Variants in CFTR observed in about 807,000 individuals in gnomAD.
CFTR encodes cystic fibrosis transmembrane conductance regulator.
In CFTR, 181 loss-of-function variants were observed where a neutral mutation model predicts 171.6. That is an observed-to-expected ratio of 1.05 (90% CI 0.93 to 1.19). The LOEUF (loss-of-function observed/expected upper bound fraction) is 1.19. Ranked by LOEUF, CFTR falls within the 50% of genes most tolerant of loss-of-function variation. The pLI is 0.00. For synonymous variants in CFTR, 583 were observed against 608.0 expected, an observed-to-expected ratio of 0.96 and a Z score of 0.60; for missense variants, 1,968 against 1,734.7, an observed-to-expected ratio of 1.13 and a Z score of -2.39.
At position 117,486,443 on chromosome 7, in the gene CFTR, G is replaced by T. The variant is rs1019053090; in HGVS notation, c.53+6296G>T. Among the ~76,000 whole-genome samples, 240 of 152,258 alleles carry T rather than the reference G, an allele frequency of 1.6e-3. 2 individuals are homozygous for T. The highest frequency in any genetic ancestry group is 5.6e-3 in the African/African-American group (234 of 41,568). ...GGCTTCATTGAAGTACTCAACTGGG[G>T]CACTTAACCCAGTCTAAGGCTGGTC... On this transcript the variant is annotated intron_variant, in intron 1 of 26. Coordinates refer to ENST00000003084, the MANE Select transcript of CFTR (RefSeq NM_000492.4).
At chr7:117,654,759 A>G (rs1377647327) in intron 24 of CFTR, among the ~76,000 whole-genome samples, 1 of 152,184 alleles carries the variant, frequency 6.6e-6, no homozygotes, top group Non-Finnish European at 1.5e-5. Context: ...TAAATTACCC[A>G]GTCTCTTTAC....
chr7:117,489,985 G>T (rs1243848755), intron 1 of CFTR, among the ~76,000 whole-genome samples: 1 of 151,718 alleles, frequency 6.6e-6, no homozygotes, highest in East Asian at 1.9e-4. Flanking sequence ...CTTCCCTTGT[G>T]TCCCCATTCC....
chr7:117,504,665 G>T (rs2116635633), intron 2 of CFTR, among the ~76,000 whole-genome samples: 1 of 151,574 alleles, frequency 6.6e-6, no homozygotes, highest in South Asian at 2.1e-4. Flanking sequence ...GAAGCAGGAG[G>T]GTTACTTGAG....
At chr7:117,556,911 A>G (rs969817316) in intron 10 of CFTR, among the ~76,000 whole-genome samples, 17 of 151,882 alleles carry the variant, frequency 1.1e-4, no homozygotes, top group Non-Finnish European at 2.1e-4. Context: ...GCTTTCCATG[A>G]ATTAGCTTTT....
At position 117,627,670 on chromosome 7, in the gene CFTR, CAG is replaced by C. The variant is rs397508589; in HGVS notation, c.3618_3619del (p.Gly1208ProfsTer56). On this transcript the variant is annotated frameshift_variant, in exon 22 of 27. Coordinates refer to ENST00000003084, the MANE Select transcript of CFTR (RefSeq NM_000492.4). LOFTEE classifies it high-confidence loss of function. ...GTGAAGAAAGATGACATCTGGCCCT[CAG>C]GGGGCCAAATGACTGTCAAAGATCT... The C allele has an allele frequency of 1.2e-6, 2 of 1,613,326 alleles. No homozygotes were observed. Among genetic ancestry groups the C allele is most frequent in the Non-Finnish European group, 1.7e-6 (2 of 1,179,554 alleles).
chr7:117,492,441 A>G (rs921709944), intron 1 of CFTR, among the ~76,000 whole-genome samples: 2 of 151,984 alleles, frequency 1.3e-5, no homozygotes, highest in Non-Finnish European at 2.9e-5. Flanking sequence ...GGCTCCAAAC[A>G]TATCATGTTT....
At chr7:117,556,348 C>G (rs1799354961) in intron 10 of CFTR, among the ~76,000 whole-genome samples, 1 of 151,856 alleles carries the variant, frequency 6.6e-6, no homozygotes, top group Non-Finnish European at 1.5e-5. Flanking sequence ...CAGGCATGAG[C>G]CACTGTGCAC....
At chr7:117,535,158 C>T (rs183911953) in intron 5 of CFTR, 90 bp from the exon 6 acceptor site, 44 of 1,398,428 alleles carry the variant, frequency 3.1e-5, no homozygotes, top group Non-Finnish European at 4.3e-5. Flanking sequence ...ATATAAGCTC[C>T]TTTTACTTGC....
intron 21 of CFTR, among the ~76,000 whole-genome samples, chr7:117,617,474 A>G: frequency 6.6e-6 from 1 of 152,068 alleles, no homozygotes; most frequent in East Asian, 1.9e-4. Context: ...GAAATTCCTT[A>G]TTATATTCCC....
intron 2 of CFTR, among the ~76,000 whole-genome samples, chr7:117,508,282 CT>C (rs1294477617): frequency 6.6e-6 from 1 of 152,090 alleles, no homozygotes; most frequent in African/African-American, 2.4e-5. Flanking sequence ...AGAAAAAAGG[CT>C]TTCATTAACA....
intron 1 of CFTR, among the ~76,000 whole-genome samples, chr7:117,492,781 C>G (rs1435870344): frequency 6.6e-6 from 1 of 151,896 alleles, no homozygotes; most frequent in Non-Finnish European, 1.5e-5. Flanking sequence ...AGAAGAAGTA[C>G]AGGATAGAAT....
chr7:117,571,005 A>AT (rs1332802558), intron 11 of CFTR, among the ~76,000 whole-genome samples: 2 of 152,126 alleles, frequency 1.3e-5, no homozygotes. Flanking sequence ...AAGTCAGGAA[A>AT]TTTTTTTCCA....
At chr7:117,658,028 C>A (rs1417042821) in intron 24 of CFTR, among the ~76,000 whole-genome samples, 1 of 152,132 alleles carries the variant, frequency 6.6e-6, no homozygotes, top group Non-Finnish European at 1.5e-5. Context: ...GGGTCCACAC[C>A]TTTACCATGG....
intron 23 of CFTR, among the ~76,000 whole-genome samples, chr7:117,644,047 CTCCCAAGTTTGTCT>C (rs1376405359): frequency 1.3e-5 from 2 of 151,130 alleles, no homozygotes; most frequent in Admixed American, 6.6e-5. Context: ...CAAAGTGAGT[CTCCCAAGTTTGTCT>C]TTTTTTTTTC....
In CFTR at chr7:117,648,546, C is replaced by G. The variant is rs149659439; in HGVS notation, c.3874-4296C>G. Among the ~76,000 whole-genome samples the G allele has an allele frequency of 1.2e-3, 184 of 152,086 alleles. 1 individual carries two copies. The highest frequency in any genetic ancestry group is 4.3e-3 in the African/African-American group (177 of 41,472). ...TCAGATATTTGCACATCCTAACTTT[C>G]CTATTGGTGAAGTTTCTTAAAAGAG... On this transcript the variant is annotated intron_variant, in intron 23 of 26. Coordinates refer to ENST00000003084, the MANE Select transcript of CFTR (RefSeq NM_000492.4).
chr7:117,655,156 G>T (rs1793148907), intron 24 of CFTR, among the ~76,000 whole-genome samples: 2 of 152,174 alleles, frequency 1.3e-5, no homozygotes, highest in African/African-American at 2.4e-5. Context: ...GATAGGCTGA[G>T]AATTTTCCAA....
intron 1 of CFTR, among the ~76,000 whole-genome samples, chr7:117,502,122 A>G (rs536809503): frequency 1.3e-5 from 2 of 152,360 alleles, no homozygotes; most frequent in African/African-American, 4.8e-5. Flanking sequence ...CAACACCACT[A>G]CATGCAGTCT....
intron 4 of CFTR, among the ~76,000 whole-genome samples, chr7:117,532,440 G>T (rs2116672445): frequency 6.6e-6 from 1 of 152,248 alleles, no homozygotes; most frequent in South Asian, 2.1e-4. Flanking sequence ...AGTAAACTAA[G>T]ATTTAAAAAG....
chr7:117,584,774 C>A (rs903955532), intron 11 of CFTR, among the ~76,000 whole-genome samples: 2 of 152,020 alleles, frequency 1.3e-5, no homozygotes, highest in African/African-American at 4.8e-5. Flanking sequence ...TGGTCATTTT[C>A]ATAGTATTGA....
Sources: gnomAD v4.1 joint callset for allele counts (sites outside exome capture counted in the v4.1 genomes callset) on GRCh38, gnomAD v4.1.1 for gene constraint, MANE v1.5 for transcripts, NCBI Gene and HGNC (gene_info 2026-07-23, HGNC 2026-07-21) for gene names.